PLOD2: variants seen among roughly 807,000 people sequenced by gnomAD.
PLOD2 encodes the protein procollagen-lysine,2-oxoglutarate 5-dioxygenase 2.
Under a neutral mutation model 101.0 loss-of-function variants are expected in PLOD2, and 65 were observed. That is an observed-to-expected ratio of 0.64 (90% confidence interval 0.53 to 0.79). The LOEUF (loss-of-function observed/expected upper bound fraction) is 0.79, where lower values mean the gene tolerates loss of function less well. Ranked by LOEUF, PLOD2 falls within the 30% of genes least tolerant of loss-of-function variation. PLOD2 has a pLI of 0.00. For missense variants in PLOD2, 909 were observed against 914.6 expected (o/e 0.99, Z 0.08); for synonymous variants, 314 against 302.9 (o/e 1.04, Z -0.38).
At chr3:146,133,791 A>C (rs1559866240) in intron 1 of PLOD2, among the ~76,000 whole-genome samples, 1 of 152,224 alleles carries the variant, frequency 6.6e-6, no homozygotes, top group South Asian at 2.1e-4. Flanking sequence ...GTTGGGGGAA[A>C]AAAGTGTGTT....
At chr3:146,118,337 G>C (rs1401232955) in intron 3 of PLOD2, among the ~76,000 whole-genome samples, 1 of 151,964 alleles carries the variant, frequency 6.6e-6, no homozygotes, top group African/African-American at 2.4e-5. Flanking sequence ...AAATATAACA[G>C]GAAAATTTTA....
intron 1 of PLOD2, among the ~76,000 whole-genome samples, chr3:146,156,044 A>T (rs1340087389): frequency 6.6e-6 from 1 of 152,192 alleles, no homozygotes; most frequent in Non-Finnish European, 1.5e-5. Flanking sequence ...AGTGTTTTTA[A>T]TTCATTTTTG....
At chr3:146,156,421 AAT>A (rs1248434137) in intron 1 of PLOD2, among the ~76,000 whole-genome samples, 4 of 152,282 alleles carry the variant, frequency 2.6e-5, no homozygotes, top group African/African-American at 7.2e-5. Context: ...GCAGCCAGAC[AAT>A]AAGTAAACAA....
chr3:146,111,731 A>AC (rs1937641604), intron 3 of PLOD2, among the ~76,000 whole-genome samples: 2 of 151,406 alleles, frequency 1.3e-5, no homozygotes, highest in African/African-American at 4.9e-5. Flanking sequence ...TAAAAAAAAA[A>AC]CTGATTAATC....
intron 15 of PLOD2, among the ~76,000 whole-genome samples, chr3:146,074,000 C>A (rs1353758471): frequency 3.3e-5 from 5 of 151,492 alleles, no homozygotes; most frequent in Admixed American, 2.0e-4. Flanking sequence ...TTTACTAGCA[C>A]TTGCACTTCT....
At chr3:146,146,217 A>C (rs2031769646) in intron 1 of PLOD2, among the ~76,000 whole-genome samples, 1 of 151,636 alleles carries the variant, frequency 6.6e-6, no homozygotes, top group East Asian at 1.9e-4. Flanking sequence ...CATCCATAAA[A>C]ATTTAAAATA....
rs1380167300 is a variant in PLOD2, at chr3:146,104,359, G to T, written c.616-17C>A. On this transcript the variant is annotated splice_polypyrimidine_tract_variant and intron_variant, in intron 5 of 19. Transcript: ENST00000282903. ...AATAGCTTCCTAAAACATAAGAATAGAAATGATATTGAAAATGACAACAAA... is the reference window on the plus strand; with the variant it reads ...AATAGCTTCCTAAAACATAAGAATATAAATGATATTGAAAATGACAACAAA... 4.6e-6 allele frequency: 6 copies of T among 1,300,448 alleles called. No individual in the cohort carries two copies. The highest frequency in any genetic ancestry group is 6.7e-6 in the Non-Finnish European group (6 of 894,388). 80.6% of individuals were successfully genotyped at this position (1,300,448 alleles called of 1,614,324 possible). A position where few individuals can be genotyped will look rare whatever the true frequency, so the allele number is the denominator to read the frequency against.
chr3:146,106,723 T>C (rs1014875894), intron 4 of PLOD2, 79 bp from the exon 5 acceptor site: 18 of 785,768 alleles, frequency 2.3e-5, no homozygotes, highest in Non-Finnish European at 3.5e-5. Context: ...CACTGACCAG[T>C]TGAACAGAGT....
intron 1 of PLOD2, among the ~76,000 whole-genome samples, chr3:146,139,539 G>A (rs1377697813): frequency 6.6e-6 from 1 of 152,060 alleles, no homozygotes; most frequent in East Asian, 1.9e-4. Context: ...CAACCTAAAT[G>A]TTGGATTAAG....
At chr3:146,148,926 C>A (rs2031925876) in intron 1 of PLOD2, among the ~76,000 whole-genome samples, 1 of 152,152 alleles carries the variant, frequency 6.6e-6, no homozygotes, top group Non-Finnish European at 1.5e-5. Flanking sequence ...TGGGATATTC[C>A]ATTTGTTACG....
intron 7 of PLOD2, among the ~76,000 whole-genome samples, chr3:146,101,041 G>T (rs1036076721): frequency 6.6e-6 from 1 of 152,146 alleles, no homozygotes; most frequent in Non-Finnish European, 1.5e-5. Flanking sequence ...AGTGGGAAGT[G>T]CCTAGAGCCA....
intron 1 of PLOD2, among the ~76,000 whole-genome samples, chr3:146,140,320 A>G (rs1252070123): frequency 1.3e-5 from 2 of 152,068 alleles, no homozygotes; most frequent in African/African-American, 4.8e-5. Context: ...ACACAGAGAC[A>G]TTCCCATTTC....
chr3:146,096,943 C>T (rs1048954599), intron 7 of PLOD2, among the ~76,000 whole-genome samples: 1 of 144,500 alleles, frequency 6.9e-6, no homozygotes, highest in Admixed American at 6.7e-5. Flanking sequence ...CCCGGCCGCC[C>T]CTACTGGGAA....
At chr3:146,140,210 T>TC (rs11458112) in intron 1 of PLOD2, among the ~76,000 whole-genome samples, 103,949 of 151,836 alleles carry the variant, frequency 0.68, 35,944 homozygotes, top group East Asian at 0.8. Context: ...GAAATAAGAA[T>TC]CCCTTGTTAG....
chr3:146,077,812 A>C, intron 14 of PLOD2, 50 bp downstream of exon 14: 5 of 1,057,218 alleles, frequency 4.7e-6, no homozygotes, highest in Non-Finnish European at 7.2e-6. Flanking sequence ...GCAATATACT[A>C]TATCAAATAT....
intron 1 of PLOD2, among the ~76,000 whole-genome samples, chr3:146,131,931 G>A (rs2030934456): frequency 1.3e-5 from 2 of 149,542 alleles, no homozygotes; most frequent in Non-Finnish European, 1.5e-5. Flanking sequence ...ATTTCAACAA[G>A]AAAAAAAAAA....
At chr3:146,132,978 A>G (rs551133275) in intron 1 of PLOD2, among the ~76,000 whole-genome samples, 1 of 152,270 alleles carries the variant, frequency 6.6e-6, no homozygotes, top group East Asian at 1.9e-4. Flanking sequence ...GGAGATCGAG[A>G]CCATCCTGGC....
intron 1 of PLOD2, among the ~76,000 whole-genome samples, chr3:146,133,989 A>C (rs2031080088): frequency 6.6e-6 from 1 of 152,176 alleles, no homozygotes; most frequent in Non-Finnish European, 1.5e-5. Flanking sequence ...ACAAATAAGG[A>C]GTTTAACCAG....
intron 1 of PLOD2, among the ~76,000 whole-genome samples, chr3:146,137,133 T>C (rs1450865099): frequency 6.6e-6 from 1 of 152,144 alleles, no homozygotes; most frequent in African/African-American, 2.4e-5. Flanking sequence ...TGACCTGCGA[T>C]TTTTTAAAAA....
Sources: allele counts gnomAD v4.1 joint callset (sites outside exome capture counted in the v4.1 genomes callset), GRCh38; gene constraint gnomAD v4.1.1; transcripts MANE v1.5; gene names NCBI Gene and HGNC (gene_info 2026-07-23, HGNC 2026-07-21).